Variants in ATP11B observed in about 807,000 individuals in gnomAD.
ATP11B encodes the protein phospholipid-transporting ATPase IF.
Under a neutral mutation model 157.8 loss-of-function variants are expected in ATP11B, and 81 were observed. The observed-to-expected ratio is 0.51, with a 90% CI of 0.43 to 0.62. The LOEUF (loss-of-function observed/expected upper bound fraction) is 0.62, where lower values mean the gene tolerates loss of function less well. Ranked by LOEUF, ATP11B falls within the 20% of genes least tolerant of loss-of-function variation. ATP11B has a pLI of 0.00. For synonymous variants in ATP11B, 451 were observed against 469.4 expected, an observed-to-expected ratio of 0.96 and a Z score of 0.51; for missense variants, 1,165 against 1,402.2, an observed-to-expected ratio of 0.83 and a Z score of 2.70.
intron 27 of ATP11B, among the ~76,000 whole-genome samples, chr3:182,897,669 G>A (rs1315380166): frequency 1.3e-5 from 2 of 151,612 alleles, no homozygotes; most frequent in Non-Finnish European, 2.9e-5. Context: ...CTGAGCCTCA[G>A]GATCACAAAG....
intron 19 of ATP11B, among the ~76,000 whole-genome samples, chr3:182,878,842 G>A (rs1414919294): frequency 1.3e-5 from 2 of 151,796 alleles, no homozygotes; most frequent in Non-Finnish European, 2.9e-5. Flanking sequence ...TTTTAATTAG[G>A]ATTTGCTGAA....
chr3:182,846,942 T>TA, intron 9 of ATP11B, among the ~76,000 whole-genome samples: 1 of 152,270 alleles, frequency 6.6e-6, no homozygotes, highest in East Asian at 1.9e-4. Context: ...GGTAAATACA[T>TA]ATGTTTTTCC....
At position 182,889,527 on chromosome 3, in the gene ATP11B, A is replaced by G. The variant is rs759362752; in HGVS notation, c.2961A>G (p.Thr987=). 1 of 1,559,316 alleles carries G rather than the reference A, an allele frequency of 6.4e-7. No homozygotes were observed. The highest frequency in any genetic ancestry group is 2.2e-5 in the Admixed American group (1 of 46,414). Residue 987 remains threonine, a synonymous_variant, in exon 25 of 30, where the codon ACA becomes ACG. Coordinates refer to ENST00000323116, the MANE Select transcript of ATP11B (RefSeq NM_014616.3). ...FGSYLLIGKD[T]SLLGNGQMFG... ...CCTATTTACTAATAGGGAAAGATAC[A>G]TCTCTGCTTGGAAATGGCCAGGTAA...
chr3:182,896,758 C>T lies in ATP11B; in HGVS notation c.3041C>T (p.Thr1014Ile). Residue 1014 changes from threonine to isoleucine, a missense_variant, in exon 26 of 30, where the codon ACA becomes ATA. Thr to Ile is a moderately conservative substitution (Grantham distance 89). Transcript: ENST00000323116. ...LVFTVMVITV[T>I]VKMALETHFW... Reference sequence around the variant, plus strand: ...TTCACAGTCATGGTTATTACAGTCACAGTAAAGGTATGGTACTGAAATTAG... The same window carrying T: ...TTCACAGTCATGGTTATTACAGTCATAGTAAAGGTATGGTACTGAAATTAG... The T allele has an allele frequency of 6.2e-7, 1 of 1,612,554 alleles. No homozygotes were observed. The highest frequency in any genetic ancestry group is 8.5e-7 in the Non-Finnish European group (1 of 1,178,894).
In ATP11B at chr3:182,793,715, C is replaced by T; in HGVS notation, c.-45C>T. On this transcript the variant is annotated 5_prime_UTR_variant, in exon 1 of 30. Transcript: ENST00000323116. ...TCTTGTCGGCCTCCACCTGCAGCCC[C>T]GCGGCCCCCGCGCCCCGCGGGACCC... is the stretch of plus-strand genomic sequence containing the variant. 1 of 1,376,058 alleles carries T rather than the reference C, an allele frequency of 7.3e-7. No homozygotes were observed. Among genetic ancestry groups the T allele is most frequent in the South Asian group, 1.4e-5 (1 of 71,086 alleles). The allele number at this position is 1,376,058 out of a possible 1,614,324, so 85.2% of individuals were successfully genotyped here. A position where few individuals can be genotyped will look rare whatever the true frequency, so the allele number is the denominator to read the frequency against.
chr3:182,870,986 G>T (rs150466043), intron 17 of ATP11B, among the ~76,000 whole-genome samples: 1 of 150,168 alleles, frequency 6.7e-6, no homozygotes, highest in East Asian at 2.0e-4. Flanking sequence ...TTAAGTCTAC[G>T]CTTTCCAAGT....
chr3:182,904,719 C>T (rs1056679387), intron 28 of ATP11B, among the ~76,000 whole-genome samples: 2 of 151,986 alleles, frequency 1.3e-5, no homozygotes, highest in Non-Finnish European at 2.9e-5. Flanking sequence ...GAAACCCCAT[C>T]TCTACTAAAA....
At position 182,921,490 on chromosome 3, in the gene ATP11B, C is replaced by G; in HGVS notation, c.*3386C>G. The G allele has an allele frequency of 6.6e-6, 1 of 152,100 alleles. No homozygotes were observed. Among genetic ancestry groups the G allele is most frequent in the East Asian group, 1.9e-4 (1 of 5,196 alleles). The allele number at this position is 152,100 out of a possible 1,614,324, so 9.4% of individuals were successfully genotyped here. ...CAATACTTGGTTTAAAATTTTGGAC[C>G]TGAGACACTGTGGCTGTCTAATGTA... On this transcript the variant is annotated 3_prime_UTR_variant, in exon 30 of 30. Coordinates refer to ENST00000323116, the MANE Select transcript of ATP11B (RefSeq NM_014616.3).
At chr3:182,840,980 G>GC (rs1718965998) in intron 7 of ATP11B, among the ~76,000 whole-genome samples, 1 of 151,978 alleles carries the variant, frequency 6.6e-6, no homozygotes, top group Non-Finnish European at 1.5e-5. Context: ...TCTAGGATCT[G>GC]CCCCCATCCC....
At chr3:182,901,339 A>AC (rs1723948602) in intron 28 of ATP11B, among the ~76,000 whole-genome samples, 1 of 146,932 alleles carries the variant, frequency 6.8e-6, no homozygotes, top group African/African-American at 2.5e-5. Flanking sequence ...ACTCCGTCTC[A>AC]CAAAAAAAAA....
intron 10 of ATP11B, among the ~76,000 whole-genome samples, chr3:182,854,430 A>G (rs1036932647): frequency 6.6e-6 from 1 of 152,126 alleles, no homozygotes; most frequent in Non-Finnish European, 1.5e-5. Flanking sequence ...AGATCGTGCC[A>G]TTGCACTCCA....
intron 21 of ATP11B, among the ~76,000 whole-genome samples, chr3:182,884,304 C>G (rs1350052990): frequency 6.6e-6 from 1 of 151,854 alleles, no homozygotes; most frequent in African/African-American, 2.4e-5. Context: ...TTGACTTATT[C>G]ATGGAAGTGT....
chr3:182,848,324 G>A (rs1006464775), intron 9 of ATP11B, 152 bp from the exon 10 acceptor site: 3 of 371,106 alleles, frequency 8.1e-6, no homozygotes, highest in Non-Finnish European at 1.4e-5. Context: ...GACTCAGAAA[G>A]CCTTTTAGTA....
chr3:182,831,171 G>T (rs537996009), intron 4 of ATP11B, among the ~76,000 whole-genome samples: 134 of 152,176 alleles, frequency 8.8e-4, no homozygotes, highest in Non-Finnish European at 1.6e-3. Context: ...AACATGACTC[G>T]ATTTTTTTCC....
At chr3:182,907,496 CTG>C (rs1405895139) in intron 28 of ATP11B, among the ~76,000 whole-genome samples, 2 of 152,172 alleles carry the variant, frequency 1.3e-5, no homozygotes, top group African/African-American at 4.8e-5. Context: ...TTAATCAACT[CTG>C]TTATTAAATA....
At chr3:182,911,513 AC>A (rs1724796859) in intron 28 of ATP11B, among the ~76,000 whole-genome samples, 1 of 152,020 alleles carries the variant, frequency 6.6e-6, no homozygotes, top group Admixed American at 6.5e-5. Flanking sequence ...CAAATTCTTA[AC>A]GGTTTCCTCA....
chr3:182,874,607 G>C (rs1015209788), intron 19 of ATP11B, among the ~76,000 whole-genome samples: 3 of 152,084 alleles, frequency 2.0e-5, no homozygotes, highest in Non-Finnish European at 2.9e-5. Context: ...CTACCTGTTT[G>C]AAAAGACATT....
intron 29 of ATP11B, 129 bp from the exon 30 acceptor site, chr3:182,917,894 G>GA (rs1425770176): frequency 7.3e-7 from 1 of 1,376,170 alleles, no homozygotes; most frequent in Non-Finnish European, 9.4e-7. Flanking sequence ...CTAGTATGAA[G>GA]AACCTCTCTT....
intron 24 of ATP11B, among the ~76,000 whole-genome samples, chr3:182,888,428 A>G (rs928432286): frequency 3.3e-5 from 5 of 152,228 alleles, no homozygotes; most frequent in African/African-American, 9.6e-5. Flanking sequence ...AAAAGAGACC[A>G]TTATGGCAGA....
Sources: allele counts gnomAD v4.1 joint callset (sites outside exome capture counted in the v4.1 genomes callset), GRCh38; gene constraint gnomAD v4.1.1; transcripts MANE v1.5; gene names NCBI Gene and HGNC (gene_info 2026-07-23, HGNC 2026-07-21).